The following KHDRBS2 variants were observed in gnomAD, a reference collection of about 807,000 sequenced individuals.
The protein encoded by KHDRBS2 is KH RNA binding domain containing, signal transduction associated 2.
Under a neutral mutation model 44.3 loss-of-function variants are expected in KHDRBS2, and 26 were observed. The observed-to-expected ratio is 0.59, with a 90% CI of 0.43 to 0.81. KHDRBS2 has a LOEUF of 0.81. KHDRBS2 is among the 40% of genes least tolerant of loss of function. KHDRBS2 has a pLI of 0.00. For missense variants in KHDRBS2, 476 were observed against 433.1 expected, an observed-to-expected ratio of 1.10 and a Z score of -0.88; for synonymous variants, 194 against 151.1, an observed-to-expected ratio of 1.28 and a Z score of -2.08.
At chr6:61,609,897 G>A in the KHDRBS2 span, among the ~76,000 whole-genome samples, 1 of 152,140 alleles carries the variant, frequency 6.6e-6, no homozygotes, top group Non-Finnish European at 1.5e-5. Flanking sequence ...AAACAGGCTG[G>A]GTGCGGTGGC....
chr6:62,177,575 T>C (rs1563008625), intron 1 of KHDRBS2, among the ~76,000 whole-genome samples: 1 of 151,412 alleles, frequency 6.6e-6, no homozygotes, highest in East Asian at 1.9e-4. Flanking sequence ...AATTGATGAA[T>C]TTAATTAATT....
intron 2 of KHDRBS2, among the ~76,000 whole-genome samples, chr6:62,169,059 A>ATATATATATG (rs1338584117): frequency 1.4e-5 from 2 of 139,622 alleles, no homozygotes; most frequent in Non-Finnish European, 3.1e-5. Context: ...ATATATATAT[A>ATATATATATG]TATGTATACA....
intron 2 of KHDRBS2, among the ~76,000 whole-genome samples, chr6:62,145,968 T>A (rs1381277809): frequency 6.6e-6 from 1 of 151,930 alleles, no homozygotes; most frequent in African/African-American, 2.4e-5. Context: ...TTTCATTATG[T>A]ATATGCAAAT....
chr6:61,713,944 GA>G (rs1347111311), intron 7 of KHDRBS2, among the ~76,000 whole-genome samples: 1 of 151,610 alleles, frequency 6.6e-6, no homozygotes, highest in African/African-American at 2.4e-5. Flanking sequence ...AAAAGCACTA[GA>G]AAAAAACTTA....
the KHDRBS2 span, among the ~76,000 whole-genome samples, chr6:61,585,715 T>A: frequency 6.6e-6 from 1 of 152,130 alleles, no homozygotes; most frequent in Non-Finnish European, 1.5e-5. Context: ...GCATCTATTC[T>A]ATCTCTTGGG....
chr6:61,945,886 C>T (rs1813266886), intron 4 of KHDRBS2, among the ~76,000 whole-genome samples: 1 of 151,998 alleles, frequency 6.6e-6, no homozygotes, highest in African/African-American at 2.4e-5. Context: ...GAAAAAAACA[C>T]TAAAATTGCA....
chr6:61,844,957 AT>A (rs1794163660), intron 6 of KHDRBS2, among the ~76,000 whole-genome samples: 1 of 152,166 alleles, frequency 6.6e-6, no homozygotes, highest in African/African-American at 2.4e-5. Context: ...CACTTTGGAA[AT>A]TGTATCTGCT....
the KHDRBS2 span, among the ~76,000 whole-genome samples, chr6:61,605,329 G>T: frequency 6.6e-6 from 1 of 152,000 alleles, no homozygotes; most frequent in Non-Finnish European, 1.5e-5. Context: ...TACACTGCTG[G>T]ATTACACTGC....
intron 2 of KHDRBS2, among the ~76,000 whole-genome samples, chr6:62,113,326 G>A (rs1041074894): frequency 3.9e-4 from 59 of 152,212 alleles, no homozygotes; most frequent in African/African-American, 1.3e-3. Flanking sequence ...CAGTGTCACA[G>A]TATATTTGAA....
At chr6:61,805,377 C>T (rs539564610) in intron 6 of KHDRBS2, among the ~76,000 whole-genome samples, 51 of 152,274 alleles carry the variant, frequency 3.3e-4, no homozygotes, top group African/African-American at 1.2e-3. Flanking sequence ...TTCAATAAGT[C>T]ACCAGGAAGT....
the KHDRBS2 span, among the ~76,000 whole-genome samples, chr6:61,586,949 G>A: frequency 6.6e-6 from 1 of 152,118 alleles, no homozygotes; most frequent in Non-Finnish European, 1.5e-5. Context: ...TAATACATGA[G>A]AAAACTTGTT....
At chr6:61,589,848 C>T in the KHDRBS2 span, among the ~76,000 whole-genome samples, 2 of 152,170 alleles carry the variant, frequency 1.3e-5, no homozygotes, top group Non-Finnish European at 2.9e-5. Context: ...TAAATAATCT[C>T]TCCCACATTC....
intron 2 of KHDRBS2, among the ~76,000 whole-genome samples, chr6:62,150,825 C>G (rs1814999612): frequency 6.6e-6 from 1 of 152,174 alleles, no homozygotes; most frequent in Non-Finnish European, 1.5e-5. Flanking sequence ...AAGGAGACAT[C>G]AAATCAATGT....
chr6:62,207,892 T>C (rs1023471166), intron 1 of KHDRBS2, among the ~76,000 whole-genome samples: 2 of 152,182 alleles, frequency 1.3e-5, no homozygotes, highest in Non-Finnish European at 2.9e-5. Flanking sequence ...CTCACATAGT[T>C]ACTTATTTTT....
chr6:62,105,574 T>C (rs1359993378), intron 2 of KHDRBS2, among the ~76,000 whole-genome samples: 1 of 152,208 alleles, frequency 6.6e-6, no homozygotes, highest in Non-Finnish European at 1.5e-5. Flanking sequence ...TAGAGGTGTT[T>C]GTAGTATTCT....
chr6:61,780,245 A>G (rs1782729122), intron 6 of KHDRBS2, among the ~76,000 whole-genome samples: 1 of 152,222 alleles, frequency 6.6e-6, no homozygotes, highest in African/African-American at 2.4e-5. Context: ...TCATGCCTGT[A>G]ATCCCAGCAC....
chr6:61,902,014 G>A (rs527877680), intron 4 of KHDRBS2, among the ~76,000 whole-genome samples: 2 of 152,202 alleles, frequency 1.3e-5, no homozygotes, highest in African/African-American at 4.8e-5. Flanking sequence ...GGAGTACAGT[G>A]GCATGATCTT....
intron 2 of KHDRBS2, among the ~76,000 whole-genome samples, chr6:62,085,791 A>C (rs1798268672): frequency 6.6e-6 from 1 of 152,160 alleles, no homozygotes; most frequent in African/African-American, 2.4e-5. Context: ...AGAATCATAG[A>C]ATGTTGTTAC....
chr6:62,106,055 C>A (rs556214153), intron 2 of KHDRBS2, among the ~76,000 whole-genome samples: 5 of 152,262 alleles, frequency 3.3e-5, no homozygotes, highest in African/African-American at 9.6e-5. Context: ...CATTCAGGAG[C>A]AGGTTGTTCA....
Sources: allele counts gnomAD v4.1 joint callset (sites outside exome capture counted in the v4.1 genomes callset), GRCh38; gene constraint gnomAD v4.1.1; transcripts MANE v1.5; gene names NCBI Gene and HGNC (gene_info 2026-07-23, HGNC 2026-07-21).